Variants in LRP1B observed in about 807,000 individuals in gnomAD.
LRP1B encodes the protein low-density lipoprotein receptor-related protein 1B.
Under a neutral mutation model 556.6 loss-of-function variants are expected in LRP1B, and 217 were observed. The ratio of observed to expected loss-of-function variants is 0.39; its 90% CI spans 0.35 to 0.44. The LOEUF (loss-of-function observed/expected upper bound fraction) is 0.44, where lower values mean the gene tolerates loss of function less well. LRP1B is among the 20% of genes least tolerant of loss of function. The pLI, the probability that LRP1B is intolerant of heterozygous loss-of-function variation, is 1.00. For synonymous variants in LRP1B, 2,047 were observed against 1,865.8 expected (o/e 1.10, Z -2.50); for missense variants, 5,053 against 5,620.8 (o/e 0.90, Z 3.23).
chr2:140,552,686 C>T (rs1680589170), intron 43 of LRP1B, among the ~76,000 whole-genome samples: 1 of 152,150 alleles, frequency 6.6e-6, no homozygotes, highest in Admixed American at 6.6e-5. Flanking sequence ...AAATTGCACT[C>T]TACCATGCTA....
At chr2:140,431,579 C>T (rs905942451) in intron 66 of LRP1B, among the ~76,000 whole-genome samples, 26 of 152,314 alleles carry the variant, frequency 1.7e-4, no homozygotes, top group African/African-American at 6.3e-4. Context: ...CCACTCTTAA[C>T]TCTTAAAGTA....
chr2:141,859,731 C>T (rs1461442035), intron 1 of LRP1B, among the ~76,000 whole-genome samples: 1 of 152,106 alleles, frequency 6.6e-6, no homozygotes, highest in East Asian at 1.9e-4. Context: ...ACACAGTATA[C>T]ATGTAGCAAA....
intron 1 of LRP1B, among the ~76,000 whole-genome samples, chr2:141,833,170 T>C (rs1697165742): frequency 1.3e-5 from 2 of 151,796 alleles, no homozygotes; most frequent in African/African-American, 4.8e-5. Flanking sequence ...TTCACTAAAA[T>C]AAATTTTAAA....
At chr2:142,115,237 G>T (rs1328253422) in intron 1 of LRP1B, among the ~76,000 whole-genome samples, 2 of 150,418 alleles carry the variant, frequency 1.3e-5, no homozygotes, top group African/African-American at 4.9e-5. Flanking sequence ...ATTCCAGGCT[G>T]CAAACAGAGA....
chr2:140,521,763 C>G (rs1424826891), intron 49 of LRP1B, among the ~76,000 whole-genome samples: 1 of 152,004 alleles, frequency 6.6e-6, no homozygotes, highest in Non-Finnish European at 1.5e-5. Context: ...TATCCTTCTG[C>G]CATCTTCAAG....
In LRP1B at chr2:141,743,035, A is replaced by G. The variant is rs551030008; in HGVS notation, c.205+67244T>C. On this transcript the variant is annotated intron_variant, in intron 2 of 90. Transcript: ENST00000389484. ...TAGGTCTTTCCAAATATAAGATCAT[A>G]TCATCTGCAAACAAAGATAATTTGA... Among the ~76,000 whole-genome samples, 4 of 152,218 alleles carry G rather than the reference A, an allele frequency of 2.6e-5. 1 individual carries two copies. Among genetic ancestry groups the G allele is most frequent in the African/African-American group, 4.8e-5 (2 of 41,558 alleles).
At chr2:140,410,295 C>T (rs774768087) in intron 66 of LRP1B, among the ~76,000 whole-genome samples, 9 of 151,974 alleles carry the variant, frequency 5.9e-5, no homozygotes, top group Non-Finnish European at 1.3e-4. Context: ...TAAATGATCA[C>T]ATTAGCCTTT....
At chr2:141,623,711 T>TA (rs1688588501) in intron 2 of LRP1B, among the ~76,000 whole-genome samples, 2 of 138,558 alleles carry the variant, frequency 1.4e-5, no homozygotes, top group South Asian at 4.7e-4. Flanking sequence ...TTATGACCTC[T>TA]AATGCATACA....
chr2:141,276,294 C>CTT (rs58497853), intron 3 of LRP1B, among the ~76,000 whole-genome samples: 42,089 of 149,316 alleles, frequency 0.28, 6,215 homozygotes, highest in Middle Eastern at 0.44. Flanking sequence ...ATAATTTTTA[C>CTT]TTTTTTTTTT....
chr2:140,340,439 A>G (rs1402111585), intron 77 of LRP1B, among the ~76,000 whole-genome samples: 2 of 151,666 alleles, frequency 1.3e-5, no homozygotes, highest in Admixed American at 6.6e-5. Context: ...ATTTTTAGGC[A>G]TTAGTTAGTG....
intron 1 of LRP1B, among the ~76,000 whole-genome samples, chr2:141,994,182 C>T (rs1279735250): frequency 6.6e-6 from 1 of 152,122 alleles, no homozygotes; most frequent in Non-Finnish European, 1.5e-5. Context: ...CCGTTTTCTT[C>T]TATTTTCCAG....
At chr2:140,751,364 A>C (rs1481290467) in intron 35 of LRP1B, among the ~76,000 whole-genome samples, 1 of 152,166 alleles carries the variant, frequency 6.6e-6, no homozygotes, top group Non-Finnish European at 1.5e-5. Flanking sequence ...ATGGAAGTGA[A>C]CTATAGCAAC....
chr2:141,732,345 AAT>A (rs1187455154), intron 2 of LRP1B, among the ~76,000 whole-genome samples: 3 of 117,036 alleles, frequency 2.6e-5, no homozygotes, highest in Non-Finnish European at 5.7e-5. Context: ...CATTTATGAA[AAT>A]AGTTTTTTTC....
At chr2:140,302,686 C>A (rs975091651) in intron 83 of LRP1B, among the ~76,000 whole-genome samples, 2 of 151,966 alleles carry the variant, frequency 1.3e-5, no homozygotes, top group African/African-American at 4.8e-5. Context: ...ATTGAAGGCC[C>A]AAATAGAATA....
intron 23 of LRP1B, among the ~76,000 whole-genome samples, chr2:140,902,713 T>C (rs1035920617): frequency 3.3e-5 from 5 of 152,192 alleles, no homozygotes; most frequent in African/African-American, 1.2e-4. Flanking sequence ...AATAATCTGA[T>C]GGTAACAATT....
chr2:141,607,493 C>G (rs2105317514), intron 2 of LRP1B, among the ~76,000 whole-genome samples: 1 of 152,298 alleles, frequency 6.6e-6, no homozygotes, highest in South Asian at 2.1e-4. Flanking sequence ...TCAGTCTCCA[C>G]CCTACCCCAT....
chr2:141,987,549 G>GTTTTTTTTTTTTTTTTTTTTTTTTTTTT (rs5834887), intron 1 of LRP1B, among the ~76,000 whole-genome samples: 2 of 139,980 alleles, frequency 1.4e-5, no homozygotes, highest in Non-Finnish European at 1.5e-5. Context: ...GATTTAAGCT[G>GTTTTTTTTTTTTTTTTTTTTTTTTTTTT]TTTTTTTTTT....
chr2:141,404,818 T>G (rs2104931305), intron 3 of LRP1B, among the ~76,000 whole-genome samples: 1 of 152,226 alleles, frequency 6.6e-6, no homozygotes, highest in Non-Finnish European at 1.5e-5. Context: ...ACATAAAACC[T>G]GTGAGAAATG....
At chr2:141,866,275 C>T (rs917842977) in intron 1 of LRP1B, among the ~76,000 whole-genome samples, 2 of 152,148 alleles carry the variant, frequency 1.3e-5, no homozygotes, top group Non-Finnish European at 2.9e-5. Context: ...TGTGAAGACT[C>T]CACTTGTGGG....
Sources: allele counts gnomAD v4.1 joint callset (sites outside exome capture counted in the v4.1 genomes callset), GRCh38; gene constraint gnomAD v4.1.1; transcripts MANE v1.5; gene names NCBI Gene and HGNC (gene_info 2026-07-23, HGNC 2026-07-21).